SLC25A17: variants seen among roughly 807,000 people sequenced by gnomAD.
SLC25A17 encodes the protein solute carrier family 25 member 17.
In SLC25A17, 26 loss-of-function variants were observed where a neutral mutation model predicts 38.5. The ratio of observed to expected loss-of-function variants is 0.68; its 90% CI spans 0.50 to 0.94. The LOEUF (loss-of-function observed/expected upper bound fraction) is 0.94, where lower values mean the gene tolerates loss of function less well. SLC25A17 is among the 40% of genes least tolerant of loss of function. The probability of loss-of-function intolerance (pLI) is 0.00; values close to 1 mark genes in which losing one functional copy is unlikely to be tolerated. For missense variants in SLC25A17, 333 were observed against 372.7 expected, an observed-to-expected ratio of 0.89 and a Z score of 0.88; for synonymous variants, 139 against 136.2, an observed-to-expected ratio of 1.02 and a Z score of -0.14.
intron 1 of SLC25A17, among the ~76,000 whole-genome samples, chr22:40,817,586 T>C (rs887604847): frequency 6.6e-6 from 1 of 152,168 alleles, no homozygotes; most frequent in Non-Finnish European, 1.5e-5. Flanking sequence ...CCAAAAACTC[T>C]TGGAGTCAAC....
At chr22:40,777,161 A>AT in intron 6 of SLC25A17, 26 bp from the exon 7 acceptor site, 1 of 1,613,920 alleles carries the variant, frequency 6.2e-7, no homozygotes, top group Non-Finnish European at 8.5e-7. Context: ...AGAACAAACC[A>AT]TATCAATCAA....
At chr22:40,788,954 C>T in intron 4 of SLC25A17, 1 of 319,730 alleles carries the variant, frequency 3.1e-6, no homozygotes, top group Non-Finnish European at 6.2e-6. Context: ...CCAACAACGG[C>T]CACACTCAGG....
intron 1 of SLC25A17, among the ~76,000 whole-genome samples, chr22:40,815,325 A>G (rs1251512566): frequency 6.6e-6 from 1 of 152,202 alleles, no homozygotes; most frequent in Non-Finnish European, 1.5e-5. Context: ...AAAACTGGCC[A>G]TGGGCTGGAG....
At chr22:40,814,354 T>C (rs995374292) in intron 1 of SLC25A17, among the ~76,000 whole-genome samples, 12 of 152,346 alleles carry the variant, frequency 7.9e-5, no homozygotes, top group Non-Finnish European at 1.5e-4. Flanking sequence ...ACCAGGATAC[T>C]TGTCTATATC....
intron 4 of SLC25A17, among the ~76,000 whole-genome samples, chr22:40,780,487 G>A (rs1242970037): frequency 6.6e-6 from 1 of 152,098 alleles, no homozygotes; most frequent in Non-Finnish European, 1.5e-5. Context: ...TTTTTCAAAA[G>A]CACCCATGCC....
chr22:40,817,404 T>C (rs537167429), intron 1 of SLC25A17: 1 of 152,374 alleles, frequency 6.6e-6, no homozygotes, highest in Non-Finnish European at 1.5e-5. Context: ...TCATTGAGAT[T>C]CTTCTGTCAG....
At position 40,785,902 on chromosome 22, in the gene SLC25A17, T is replaced by C. The variant is rs989262709; in HGVS notation, c.334+6623A>G. The stretch of plus-strand genomic sequence containing the variant: ...CTCTCACCTTAGCCTCCCAAACTGC[T>C]GGGATTATTGACATGAGCCACTGTA... On this transcript the variant is annotated intron_variant, in intron 4 of 8. Coordinates refer to ENST00000435456, the MANE Select transcript of SLC25A17 (RefSeq NM_006358.4). Among the ~76,000 whole-genome samples the C allele has an allele frequency of 3.9e-5, 6 of 152,192 alleles. No individual in the cohort carries two copies. In the East Asian group the frequency reaches 1.2e-3, roughly 29 times the overall value.
At chr22:40,799,259 T>A (rs2145686398) in intron 1 of SLC25A17, among the ~76,000 whole-genome samples, 176 bp from the exon 2 acceptor site, 1 of 152,168 alleles carries the variant, frequency 6.6e-6, no homozygotes, top group South Asian at 2.1e-4. Context: ...TAGTTGGGGT[T>A]ACAAGCACAT....
rs541722080 is a variant in SLC25A17, at chr22:40,806,584, A to C, written c.55-7501T>G. ...AGTCTAATTGCTCAAGGGGCTTAAA[A>C]AAAAAGGTGAAATTAACATATTATA... On this transcript the variant is annotated intron_variant, in intron 1 of 8. Coordinates refer to ENST00000435456, the MANE Select transcript of SLC25A17 (RefSeq NM_006358.4). Among the ~76,000 whole-genome samples the C allele has an allele frequency of 3.5e-4, 53 of 152,188 alleles. 1 individual carries two copies. Among genetic ancestry groups the C allele is most frequent in the Non-Finnish European group, 2.4e-4 (16 of 68,024 alleles).
At chr22:40,817,553 C>T (rs2057654604) in intron 1 of SLC25A17, among the ~76,000 whole-genome samples, 1 of 152,158 alleles carries the variant, frequency 6.6e-6, no homozygotes, top group Non-Finnish European at 1.5e-5. Context: ...CAGTAAATAC[C>T]ACCATCCCTC....
At chr22:40,797,572 G>T (rs575214149) in intron 2 of SLC25A17, among the ~76,000 whole-genome samples, 4 of 152,266 alleles carry the variant, frequency 2.6e-5, no homozygotes, top group African/African-American at 9.6e-5. Flanking sequence ...AATTATTAGT[G>T]CAAGACCACT....
intron 8 of SLC25A17, among the ~76,000 whole-genome samples, chr22:40,773,429 A>G (rs2057207384): frequency 6.6e-6 from 1 of 151,778 alleles, no homozygotes; most frequent in Admixed American, 6.6e-5. Flanking sequence ...AAAAAAAAAA[A>G]AAAAGGATTG....
Position 40,777,357 on chromosome 22 carries a change from G to C in SLC25A17, c.468C>G (p.Ile156Met), listed in dbSNP as rs751210365. The C allele has an allele frequency of 1.4e-5, 22 of 1,613,272 alleles. No homozygotes were observed. Among genetic ancestry groups the C allele is most frequent in the Admixed American group, 1.2e-4 (7 of 59,710 alleles). ...AAGCCGAGATTCCTTCATCGCGAAT[G>C]ATCTGATGAAAAGCATCTAAGCAAG... is the stretch of plus-strand genomic sequence containing the variant. ...YKGIIDAFHQ[I>M]IRDEGISALW... Residue 156 changes from isoleucine (I) to methionine (M), a missense_variant, in exon 6 of 9, where the codon ATC becomes ATG. Ile to Met is a conservative substitution (Grantham distance 10). Coordinates refer to ENST00000435456, the MANE Select transcript of SLC25A17 (RefSeq NM_006358.4).
At chr22:40,808,768 G>C (rs543490777) in intron 1 of SLC25A17, among the ~76,000 whole-genome samples, 1 of 152,318 alleles carries the variant, frequency 6.6e-6, no homozygotes, top group East Asian at 1.9e-4. Flanking sequence ...TCAAACTATA[G>C]TCTGGAGATC....
chr22:40,810,953 G>T (rs1480068666), intron 1 of SLC25A17, among the ~76,000 whole-genome samples: 1 of 151,848 alleles, frequency 6.6e-6, no homozygotes, highest in Admixed American at 6.6e-5. Flanking sequence ...TTGAGACAGG[G>T]TCTCACTCTA....
intron 4 of SLC25A17, among the ~76,000 whole-genome samples, chr22:40,786,574 G>A (rs916567179): frequency 6.6e-6 from 1 of 152,184 alleles, no homozygotes; most frequent in Non-Finnish European, 1.5e-5. Flanking sequence ...TAAAGGCTAT[G>A]TAGATAGTTG....
chr22:40,792,508 C>G lies in SLC25A17; in HGVS notation c.334+17G>C, dbSNP rs745391858. On this transcript the variant is annotated intron_variant, in intron 4 of 8. Transcript: ENST00000435456. ...AGGTAAATATAAAAACATTTTATAC[C>G]CAGAAAACCTTGTTACCTGCAACAA... 13 of 1,575,426 alleles carry G rather than the reference C, an allele frequency of 8.3e-6. No individual in the cohort carries two copies. The highest frequency in any genetic ancestry group is 1.0e-5 in the Non-Finnish European group (12 of 1,160,534).
At chr22:40,790,720 A>C (rs1569405404) in intron 4 of SLC25A17, among the ~76,000 whole-genome samples, 1 of 152,232 alleles carries the variant, frequency 6.6e-6, no homozygotes, top group Non-Finnish European at 1.5e-5. Context: ...TTTAAAAAGC[A>C]AAAGATTTCA....
chr22:40,812,529 GTGAC>G (rs2057593176), intron 1 of SLC25A17, among the ~76,000 whole-genome samples: 1 of 152,134 alleles, frequency 6.6e-6, no homozygotes, highest in Non-Finnish European at 1.5e-5. Context: ...ATCACCAAAT[GTGAC>G]TGACTGTTTC....
Sources: gnomAD v4.1 joint callset for allele counts (sites outside exome capture counted in the v4.1 genomes callset) on GRCh38, gnomAD v4.1.1 for gene constraint, MANE v1.5 for transcripts, NCBI Gene and HGNC (gene_info 2026-07-23, HGNC 2026-07-21) for gene names.